The following POSTN variants were observed in gnomAD, a reference collection of about 807,000 sequenced individuals.
The protein encoded by POSTN is periostin, also known as osteoblast specific factor 2 (fasciclin I-like).
POSTN carries 71 observed loss-of-function variants against 104.5 expected under a neutral mutation model. That is an observed-to-expected ratio of 0.68 (90% CI 0.56 to 0.83). The LOEUF (loss-of-function observed/expected upper bound fraction) is 0.83. Ranked by LOEUF, POSTN falls within the 40% of genes least tolerant of loss-of-function variation. POSTN has a pLI of 0.00. For synonymous variants in POSTN, 355 were observed against 340.7 expected (o/e 1.04, Z -0.46); for missense variants, 949 against 1,006.8 (o/e 0.94, Z 0.78).
intron 1 of POSTN, among the ~76,000 whole-genome samples, chr13:37,598,320 T>C (rs183619772): frequency 6.6e-6 from 1 of 152,164 alleles, no homozygotes; most frequent in Non-Finnish European, 1.5e-5. Flanking sequence ...CATAAATAAA[T>C]GGAATTATAA....
chr13:37,579,165 G>T, intron 13 of POSTN, 44 bp from the exon 14 acceptor site: 1 of 1,602,050 alleles, frequency 6.2e-7, no homozygotes, highest in East Asian at 2.2e-5. Flanking sequence ...TTTCATTAAG[G>T]ATGAATATTT....
chr13:37,573,470 A>G (rs1336683064), intron 17 of POSTN, among the ~76,000 whole-genome samples: 2 of 151,468 alleles, frequency 1.3e-5, no homozygotes, highest in African/African-American at 4.8e-5. Flanking sequence ...AATAAATACT[A>G]ATATAGATAA....
chr13:37,571,564 A>G lies in POSTN; in HGVS notation c.2090-106T>C. The G allele has an allele frequency of 5.0e-6, 4 of 803,208 alleles. No homozygotes were observed. In the East Asian group the frequency reaches 8.2e-5, roughly 16 times the overall value. The allele number at this position is 803,208 out of a possible 1,614,324, so 49.8% of individuals were successfully genotyped here. The stretch of plus-strand genomic sequence containing the variant: ...TTCGGTGTGACTCAACTCAAATGTC[A>G]AAGTGGTTTCAGGCTCTATGAAATC... On this transcript the variant is annotated intron_variant, in intron 17 of 22. Transcript: ENST00000379747.
At position 37,582,422 on chromosome 13, in the gene POSTN, C is replaced by T. The variant is rs774501312; in HGVS notation, c.1336G>A (p.Gly446Arg). 21 of 1,613,678 alleles carry T rather than the reference C, an allele frequency of 1.3e-5. No individual in the cohort carries two copies. The highest frequency in any genetic ancestry group is 2.2e-5 in the East Asian group (1 of 44,860). Residue 446 changes from glycine (G) to arginine (R), a missense_variant, in exon 10 of 23, where the codon GGG becomes AGG. Physicochemically the swap from Gly to Arg is moderately radical, Grantham distance 125 (BLOSUM62 -2). Transcript: ENST00000379747. ...VKVGLNELYNGQILETIGGKQ... is the reference protein window; with the variant it reads ...VKVGLNELYNRQILETIGGKQ... ...CCTCCGATGGTTTCCAGTATTTGCC[C>T]GTTGTAAAGCTCATTAAGGCCAACT...
intron 2 of POSTN, among the ~76,000 whole-genome samples, chr13:37,594,098 A>G (rs1270996402): frequency 1.3e-5 from 2 of 152,096 alleles, no homozygotes; most frequent in Non-Finnish European, 2.9e-5. Flanking sequence ...AGAGCCTCTA[A>G]ATAATTTTAT....
In POSTN at chr13:37,578,773, T is replaced by G. The variant is rs1488660442; in HGVS notation, c.1962+71A>C. On this transcript the variant is annotated intron_variant, in intron 15 of 22. Transcript: ENST00000379747. ...GAGATCATGCCACTGCACTACAGCC[T>G]GGGCGACAAAGCGAGACTCCATCTC... The G allele has an allele frequency of 3.1e-6, 4 of 1,286,946 alleles. No homozygotes were observed. In the African/African-American group the frequency reaches 7.1e-5, roughly 23 times the overall value. The allele number at this position is 1,286,946 out of a possible 1,614,324, so 79.7% of individuals were successfully genotyped here. A position where few individuals can be genotyped will look rare whatever the true frequency, so the allele number is the denominator to read the frequency against.
intron 21 of POSTN, among the ~76,000 whole-genome samples, chr13:37,567,212 G>A: frequency 1.0e-5 from 1 of 98,482 alleles, no homozygotes; most frequent in Non-Finnish European, 2.0e-5. Context: ...CTCCAGCCTG[G>A]GCGACAGAGC....
intron 21 of POSTN, chr13:37,568,718 CACAG>C (rs1201079629): frequency 4.0e-5 from 6 of 151,202 alleles, no homozygotes; most frequent in African/African-American, 9.7e-5. Context: ...CATTTAATGC[CACAG>C]ACAGAGAACA....
intron 21 of POSTN, among the ~76,000 whole-genome samples, chr13:37,568,294 T>C (rs1356610364): frequency 6.6e-6 from 1 of 152,124 alleles, no homozygotes; most frequent in Non-Finnish European, 1.5e-5. Context: ...TTCTAAATAC[T>C]ATTTAAGAGA....
intron 4 of POSTN, among the ~76,000 whole-genome samples, chr13:37,589,663 A>C (rs1407555856): frequency 1.3e-5 from 2 of 152,262 alleles, no homozygotes; most frequent in East Asian, 3.9e-4. Context: ...GATTTCTATA[A>C]TCAAGCAATT....
chr13:37,577,713 A>T, intron 16 of POSTN, 40 bp downstream of exon 16: 1 of 1,598,290 alleles, frequency 6.3e-7, no homozygotes, highest in Non-Finnish European at 8.5e-7. Context: ...CTTTTTTCAT[A>T]CCTTGCCACC....
chr13:37,570,920 C>T, intron 18 of POSTN: 1 of 378,976 alleles, frequency 2.6e-6, no homozygotes, highest in Non-Finnish European at 4.8e-6. Context: ...TACTTGTTTT[C>T]TGGATGTGGA....
In POSTN at chr13:37,582,470, G is replaced by C; in HGVS notation, c.1288C>G (p.Gln430Glu). The C allele has an allele frequency of 6.2e-7, 1 of 1,613,156 alleles. No individual in the cohort carries two copies. The highest frequency in any genetic ancestry group is 8.5e-7 in the Non-Finnish European group (1 of 1,179,494). The change falls in exon 10 of 23, where the codon CAG becomes GAG. Residue 430 changes from glutamine (Q) to glutamate (E), a missense_variant. Gln to Glu is a conservative substitution (Grantham distance 29). Transcript: ENST00000379747. Reference protein sequence around the residue: ...MDQRLLKLILQNHILKVKVGL... With the variant: ...MDQRLLKLILENHILKVKVGL... ...ACTTTTACTTTCAATATGTGATTCT[G>C]CAGAATTAATTTAAGGAGGCGCTGA...
Position 37,598,710 on chromosome 13 carries a change from G to A in POSTN, c.17C>T (p.Pro6Leu), listed in dbSNP as rs1951162110. Reference protein sequence around the residue: MIPFLPMFSLLLLLIV... With the variant: MIPFLLMFSLLLLLIV... Reference sequence around the variant, plus strand: ...AAGCAGCAATAGTAGAGAAAACATGGGTAAAAAGGGAATCATCTTGAGTCT... The same window carrying A: ...AAGCAGCAATAGTAGAGAAAACATGAGTAAAAAGGGAATCATCTTGAGTCT... The change falls in exon 1 of 23, where the codon CCC (proline) becomes CTC (leucine). Residue 6 changes from proline to leucine, a missense_variant. Coordinates refer to ENST00000379747, the MANE Select transcript of POSTN (RefSeq NM_006475.3). The A allele has an allele frequency of 6.2e-7, 1 of 1,612,776 alleles. No individual in the cohort carries two copies. The highest frequency in any genetic ancestry group is 1.3e-5 in the African/African-American group (1 of 74,852).
At position 37,588,100 on chromosome 13, in the gene POSTN, A is replaced by G. The variant is rs12585315; in HGVS notation, c.442-114T>C. On this transcript the variant is annotated intron_variant, in intron 4 of 22. Coordinates refer to ENST00000379747, the MANE Select transcript of POSTN (RefSeq NM_006475.3). ...TTTCTCATTTCATTATCAGATGGTCATACAAAATTGACATAAATAACTTAA... is the reference window on the plus strand; with the variant it reads ...TTTCTCATTTCATTATCAGATGGTCGTACAAAATTGACATAAATAACTTAA... The G allele has an allele frequency of 8.8e-5, 76 of 859,002 alleles. No homozygotes were observed. The East Asian group carries it at 2.0e-3, about 22-fold the overall frequency. The allele number at this position is 859,002 out of a possible 1,614,324, so 53.2% of individuals were successfully genotyped here. A position where few individuals can be genotyped will look rare whatever the true frequency, so the allele number is the denominator to read the frequency against.
intron 22 of POSTN, among the ~76,000 whole-genome samples, chr13:37,564,196 A>ACAT (rs1166004255): frequency 0.34 from 19,078 of 56,390 alleles, 2,625 homozygotes; most frequent in Non-Finnish European, 0.38. Context: ...ATATATATAT[A>ACAT]TATATATATA....
At chr13:37,567,235 CAAAAA>C (rs71093694) in intron 21 of POSTN, among the ~76,000 whole-genome samples, 1 of 36,926 alleles carries the variant, frequency 2.7e-5, no homozygotes, top group African/African-American at 1.3e-4. Flanking sequence ...GACTCCGTCT[CAAAAA>C]AAAAAAAAAA....
At position 37,573,206 on chromosome 13, in the gene POSTN, G is replaced by A. The variant is rs191180436; in HGVS notation, c.2089+1366C>T. Among the ~76,000 whole-genome samples, 174 of 151,512 alleles carry A rather than the reference G, an allele frequency of 1.1e-3. 3 individuals carry two copies. The highest frequency in any genetic ancestry group is 0.011 in the Admixed American group (172 of 15,204). ...TGCACAATTATAGTGCAAAATTTTA[G>A]GGAATCTGATTTTTAAAAACAGGAC... On this transcript the variant is annotated intron_variant, in intron 17 of 22. Coordinates refer to ENST00000379747, the MANE Select transcript of POSTN (RefSeq NM_006475.3).
rs1298481034 is a variant in POSTN at position 37,578,715 on chromosome 13, A to C, written c.1962+129T>G. The C allele has an allele frequency of 7.3e-6, 5 of 685,084 alleles. 1 individual carries two copies. The highest frequency in any genetic ancestry group is 1.1e-5 in the Non-Finnish European group (5 of 460,410). The allele number at this position is 685,084 out of a possible 1,614,324, so 42.4% of individuals were successfully genotyped here. A position where few individuals can be genotyped will look rare whatever the true frequency, so the allele number is the denominator to read the frequency against. On this transcript the variant is annotated intron_variant, in intron 15 of 22. Transcript: ENST00000379747. Reference sequence around the variant, plus strand: ...TCGGGAGGCTGAGGCAGGAGAATGGAGTGAACATGGGAGGCGGAGCTTGCA... The same window carrying C: ...TCGGGAGGCTGAGGCAGGAGAATGGCGTGAACATGGGAGGCGGAGCTTGCA...
Sources: allele counts gnomAD v4.1 joint callset (sites outside exome capture counted in the v4.1 genomes callset), GRCh38; gene constraint gnomAD v4.1.1; transcripts MANE v1.5; gene names NCBI Gene and HGNC (gene_info 2026-07-23, HGNC 2026-07-21).